UNC80: variants seen among roughly 807,000 people sequenced by gnomAD.
UNC80 encodes protein unc-80 homolog.
A neutral mutation model predicts 384.6 loss-of-function variants in UNC80; 164 were observed. That is an observed-to-expected ratio of 0.43 (90% CI 0.38 to 0.49). The LOEUF is 0.49. Ranked by LOEUF, UNC80 falls within the 20% of genes least tolerant of loss-of-function variation. UNC80 has a pLI of 0.00. For missense variants in UNC80, 3,330 were observed against 4,143.0 expected, an observed-to-expected ratio of 0.80 and a Z score of 5.39; for synonymous variants, 1,486 against 1,527.8, an observed-to-expected ratio of 0.97 and a Z score of 0.64.
chr2:209,842,718 C>G (rs1442830956), intron 21 of UNC80, among the ~76,000 whole-genome samples: 2 of 152,166 alleles, frequency 1.3e-5, no homozygotes, highest in Non-Finnish European at 2.9e-5. Context: ...TTATTAAAAT[C>G]TGAGAACTTT....
intron 15 of UNC80, among the ~76,000 whole-genome samples, chr2:209,830,438 A>G (rs1223574507): frequency 1.3e-5 from 2 of 152,208 alleles, no homozygotes; most frequent in African/African-American, 4.8e-5. Context: ...TGAGATAGAA[A>G]TTATAAGCAT....
At chr2:209,883,064 A>AT (rs781312552) in intron 25 of UNC80, among the ~76,000 whole-genome samples, 9 of 152,124 alleles carry the variant, frequency 5.9e-5, no homozygotes, top group Non-Finnish European at 1.2e-4. Flanking sequence ...ACGTTTGTGT[A>AT]TTGTGTCGAG....
Position 209,995,595 on chromosome 2 carries a change from A to G in UNC80, c.9975A>G (p.Ter3325=). 6.4e-7 allele frequency: 1 copy of G among 1,551,872 alleles called. No individual in the cohort carries two copies. Among genetic ancestry groups the G allele is most frequent in the East Asian group, 2.4e-5 (1 of 40,926 alleles). ...TDAVLDESHV[*] is the part of the protein sequence containing the mutation. The stretch of plus-strand genomic sequence containing the variant: ...CAGTATTAGATGAGTCTCATGTTTA[A>G]TTCTGTATCTTGTAAGCTCTGCAGG... Residue 3325 remains the stop codon, a stop_retained_variant, in exon 65 of 65, where the codon TAA becomes TAG. Coordinates refer to ENST00000673920, the MANE Select transcript of UNC80 (RefSeq NM_001371986.1).
At chr2:209,866,659 A>C (rs1449286391) in intron 22 of UNC80, among the ~76,000 whole-genome samples, 1 of 152,126 alleles carries the variant, frequency 6.6e-6, no homozygotes, top group African/African-American at 2.4e-5. Context: ...ACTGTGTTTT[A>C]GTCTATCCAT....
At chr2:209,887,774 A>G (rs1472984022) in intron 25 of UNC80, among the ~76,000 whole-genome samples, 1 of 152,212 alleles carries the variant, frequency 6.6e-6, no homozygotes, top group Non-Finnish European at 1.5e-5. Context: ...ATAAGAGATA[A>G]AGGCCAAAGA....
At chr2:209,888,777 G>T (rs1056323021) in intron 26 of UNC80, among the ~76,000 whole-genome samples, 1 of 151,658 alleles carries the variant, frequency 6.6e-6, no homozygotes, top group Non-Finnish European at 1.5e-5. Context: ...CACCACGCCC[G>T]GCTAATTTTT....
At chr2:209,927,119 G>T in intron 36 of UNC80, 133 bp downstream of exon 36, 1 of 1,051,634 alleles carries the variant, frequency 9.5e-7, no homozygotes, top group Non-Finnish European at 1.4e-6. Flanking sequence ...TATAATTACA[G>T]ATTTGTAACA....
intron 44 of UNC80, 102 bp downstream of exon 44, chr2:209,941,591 T>C (rs917468273): frequency 7.9e-7 from 1 of 1,268,208 alleles, no homozygotes; most frequent in African/African-American, 1.5e-5. Flanking sequence ...GATGGTGTTA[T>C]CATCTTCTTT....
rs2079518319 is a variant in UNC80, at chr2:209,813,571, A to C, written c.939-9A>C. 1 of 1,547,152 alleles carries C rather than the reference A, an allele frequency of 6.5e-7. No homozygotes were observed. The highest frequency in any genetic ancestry group is 2.5e-5 in the East Asian group (1 of 40,792). Reference sequence around the variant, plus strand: ...TCAGTATAATTATCTTCTTTCTGCCATGGAACAGGGCCTCTCTTGTGATAC... The same window carrying C: ...TCAGTATAATTATCTTCTTTCTGCCCTGGAACAGGGCCTCTCTTGTGATAC... On this transcript the variant is annotated splice_polypyrimidine_tract_variant and intron_variant, in intron 7 of 64. Transcript: ENST00000673920.
intron 26 of UNC80, among the ~76,000 whole-genome samples, chr2:209,889,267 G>A (rs1181157985): frequency 6.6e-6 from 1 of 152,186 alleles, no homozygotes; most frequent in Non-Finnish European, 1.5e-5. Context: ...GTTATTTATG[G>A]AACCATGTTA....
intron 4 of UNC80, among the ~76,000 whole-genome samples, chr2:209,778,485 T>G (rs1397104461): frequency 6.6e-6 from 1 of 152,212 alleles, no homozygotes; most frequent in Non-Finnish European, 1.5e-5. Context: ...CTTTTTAAAA[T>G]ATTTTTAAAT....
chr2:209,913,122 A>G (rs1447155994), intron 30 of UNC80, among the ~76,000 whole-genome samples: 1 of 152,212 alleles, frequency 6.6e-6, no homozygotes. Flanking sequence ...GGCATGGATT[A>G]AAGAAAATGG....
chr2:209,866,490 C>CCCCCCACACA (rs1420955284), intron 22 of UNC80, among the ~76,000 whole-genome samples: 2 of 107,638 alleles, frequency 1.9e-5, no homozygotes, highest in African/African-American at 3.6e-5. Flanking sequence ...AAATGCACCC[C>CCCCCCACACA]CACACACACA....
At position 209,994,136 on chromosome 2, in the gene UNC80, C is replaced by T; in HGVS notation, c.9580C>T (p.Pro3194Ser). 1 of 1,551,706 alleles carries T rather than the reference C, an allele frequency of 6.4e-7. No homozygotes were observed. Among genetic ancestry groups the T allele is most frequent in the Non-Finnish European group, 8.7e-7 (1 of 1,146,984 alleles). The stretch of plus-strand genomic sequence containing the variant: ...AGCAGCTGCCCCAACAGATGCGCTT[C>T]CTGCAACAGGCCAACTACAGGGCTG... Reference protein sequence around the residue: ...EPAAAPTDALPATGQLQGCSP... With the variant: ...EPAAAPTDALSATGQLQGCSP... Residue 3194 changes from proline (P) to serine (S), a missense_variant, in exon 64 of 65, where the codon CCT becomes TCT. Around this residue, in one of 8 missense-constraint regions of UNC80, gnomAD observed 236 missense variants for 254.9 expected, o/e 0.93. Transcript: ENST00000673920.
chr2:209,922,317 T>A lies in UNC80; in HGVS notation c.5596T>A (p.Ser1866Thr). ...SVSPSCTSST[S>T]HRNYSFRRGS... ...GAGTCCATCCTGCACCTCCAGCACT[T>A]CCCACAGGAATTATTCCTTCCGCCG... Residue 1866 changes from serine (S) to threonine (T), a missense_variant, in exon 35 of 65, where the codon TCC becomes ACC. Physicochemically the swap from Ser to Thr is moderately conservative, Grantham distance 58. Coordinates refer to ENST00000673920, the MANE Select transcript of UNC80 (RefSeq NM_001371986.1). The A allele has an allele frequency of 6.4e-7, 1 of 1,552,164 alleles. No homozygotes were observed. Among genetic ancestry groups the A allele is most frequent in the Non-Finnish European group, 8.7e-7 (1 of 1,147,076 alleles).
intron 47 of UNC80, among the ~76,000 whole-genome samples, chr2:209,948,159 G>A (rs896286159): frequency 1.3e-5 from 2 of 152,168 alleles, no homozygotes; most frequent in African/African-American, 4.8e-5. Context: ...TTTTGTATAT[G>A]TCTTTGTACA....
At chr2:209,843,033 T>C (rs1032301991) in intron 21 of UNC80, among the ~76,000 whole-genome samples, 1 of 152,166 alleles carries the variant, frequency 6.6e-6, no homozygotes, top group Non-Finnish European at 1.5e-5. Flanking sequence ...CTCCATATGT[T>C]ATCCATTTCG....
intron 7 of UNC80, chr2:209,809,420 A>G (rs1251899752): frequency 1.4e-6 from 2 of 1,439,664 alleles, no homozygotes; most frequent in African/African-American, 2.8e-5. Context: ...TCCTGTACCC[A>G]CTGCAGCCGT....
chr2:209,865,158 C>T (rs113562614), intron 22 of UNC80, among the ~76,000 whole-genome samples: 1 of 152,132 alleles, frequency 6.6e-6, no homozygotes, highest in Non-Finnish European at 1.5e-5. Context: ...CCACGGGTCA[C>T]GGCAGCCTCT....
Sources: gnomAD v4.1 joint callset for allele counts (sites outside exome capture counted in the v4.1 genomes callset) on GRCh38, gnomAD v4.1.1 for gene constraint, gnomAD v4.1.1 regional missense constraint, MANE v1.5 for transcripts, NCBI Gene and HGNC (gene_info 2026-07-23, HGNC 2026-07-21) for gene names.